Variants in SPDYE4 observed in about 807,000 individuals in gnomAD.
SPDYE4 encodes the protein speedy protein E4.
SPDYE4 carries 30 observed loss-of-function variants against 37.5 expected under a neutral mutation model. The observed-to-expected ratio is 0.80, with a 90% CI of 0.60 to 1.09. The LOEUF is 1.09. SPDYE4 is among the 50% of genes least tolerant of loss of function. SPDYE4 has a pLI of 0.00. For synonymous variants in SPDYE4, 131 were observed against 120.3 expected, an observed-to-expected ratio of 1.09 and a Z score of -0.58; for missense variants, 300 against 307.9, an observed-to-expected ratio of 0.97 and a Z score of 0.19.
At chr17:8,755,747 G>C in intron 3 of SPDYE4, 142 bp from the exon 4 acceptor site, 1 of 1,114,458 alleles carries the variant, frequency 9.0e-7, no homozygotes, top group Middle Eastern at 2.4e-4. Flanking sequence ...TGCTCATTGG[G>C]GGCTTGCGGG....
At chr17:8,756,642 G>C (rs2086775106) in intron 2 of SPDYE4, among the ~76,000 whole-genome samples, 1 of 152,206 alleles carries the variant, frequency 6.6e-6, no homozygotes, top group Admixed American at 6.5e-5. Flanking sequence ...GCCGAAGGAG[G>C]CCTCTGGTGT....
downstream of SPDYE4, among the ~76,000 whole-genome samples, chr17:8,749,167 C>T (rs1266188874): frequency 6.6e-6 from 1 of 151,248 alleles, no homozygotes; most frequent in Non-Finnish European, 1.5e-5. Flanking sequence ...GATCACGGCT[C>T]ATGCAGCCTC....
chr17:8,755,380 C>T, intron 4 of SPDYE4, 140 bp downstream of exon 4: 1 of 1,073,092 alleles, frequency 9.3e-7, no homozygotes, highest in South Asian at 1.6e-5. Context: ...CTAAGAACAC[C>T]ATAGTATAAT....
chr17:8,754,657 G>C (rs1255388655), intron 4 of SPDYE4, among the ~76,000 whole-genome samples: 1 of 152,338 alleles, frequency 6.6e-6, no homozygotes, highest in East Asian at 1.9e-4. Context: ...TTGGGGAAAA[G>C]GAGGGCAGAT....
rs1233408802 is a variant in SPDYE4 at position 8,758,412 on chromosome 17, A to G, written c.-30T>C. 1.3e-6 allele frequency: 2 copies of G among 1,537,606 alleles called. No individual in the cohort carries two copies. Among genetic ancestry groups the G allele is most frequent in the South Asian group, 1.2e-5 (1 of 83,792 alleles). Reference sequence around the variant, plus strand: ...TCTCCCAAACACTTTGTTTCTGTCCACAAAACCTAGTCCCTGTTCTGTCCA... The same window carrying G: ...TCTCCCAAACACTTTGTTTCTGTCCGCAAAACCTAGTCCCTGTTCTGTCCA... On this transcript the variant is annotated 5_prime_UTR_variant, in exon 1 of 7. Transcript: ENST00000689094.
chr17:8,749,097 A>ATTT (rs535722696), downstream of SPDYE4, among the ~76,000 whole-genome samples: 24,514 of 147,366 alleles, frequency 0.17, 2,325 homozygotes, highest in Middle Eastern at 0.3. Flanking sequence ...AATGTTTTGA[A>ATTT]TTTTTTTTTT....
rs753894197 is a variant in SPDYE4, at chr17:8,755,555, C to T, written c.450G>A (p.Ser150=). 42 of 1,612,044 alleles carry T rather than the reference C, an allele frequency of 2.6e-5. No homozygotes were observed. Among genetic ancestry groups the T allele is most frequent in the East Asian group, 4.5e-5 (2 of 44,888 alleles). ...AGAAATGAATGCGTTGGTATTGCCA[C>T]GAGAAGAGGCCGGCACGGCTAAAAT... ...IAYFSRAGLF[S]WQYQRIHFFL... is the part of the protein sequence containing the mutation. The change falls in exon 4 of 7, where the codon TCG becomes TCA. Residue 150 remains serine, a synonymous_variant. Coordinates refer to ENST00000689094, the MANE Select transcript of SPDYE4 (RefSeq NM_001394956.1).
At position 8,758,510 on chromosome 17, in the gene SPDYE4, G is replaced by T; in HGVS notation, c.-128C>A. 1 of 849,978 alleles carries T rather than the reference G, an allele frequency of 1.2e-6. No homozygotes were observed. The highest frequency in any genetic ancestry group is 1.9e-6 in the Non-Finnish European group (1 of 536,440). 52.7% of individuals were successfully genotyped at this position (849,978 alleles called of 1,614,324 possible). On this transcript the variant is annotated 5_prime_UTR_variant, in exon 1 of 7. Transcript: ENST00000689094. Reference sequence around the variant, plus strand: ...TCTAGAGGCTCGGGAGAAGTTAGGAGTGAAGAGTAGTTCTGAGAAGTTGCT... The same window carrying T: ...TCTAGAGGCTCGGGAGAAGTTAGGATTGAAGAGTAGTTCTGAGAAGTTGCT...
chr17:8,752,988 G>C (rs1161143695), intron 6 of SPDYE4, 106 bp downstream of exon 6: 1 of 985,280 alleles, frequency 1.0e-6, no homozygotes, highest in East Asian at 2.7e-5. Flanking sequence ...TGGAGACGGG[G>C]TGTCGCCATG....
chr17:8,754,183 G>T (rs1342650812), intron 4 of SPDYE4, among the ~76,000 whole-genome samples: 1 of 152,220 alleles, frequency 6.6e-6, no homozygotes, highest in African/African-American at 2.4e-5. Flanking sequence ...ATGAAGGAAA[G>T]AAGGAAAGAT....
At chr17:8,755,276 G>A (rs916878134) in intron 4 of SPDYE4, 4 of 403,342 alleles carry the variant, frequency 9.9e-6, no homozygotes, top group Admixed American at 4.2e-5. Context: ...TCGTGTCCAC[G>A]GCTTTCCTTT....
At position 8,758,356 on chromosome 17, in the gene SPDYE4, CG is replaced by C; in HGVS notation, c.26del (p.Pro9ArgfsTer32). MASGQARP[P>X]FEEESPQPST... is the part of the protein sequence containing the mutation. The stretch of plus-strand genomic sequence containing the variant: ...TAGGCTGGGGGCTCTCCTCCTCAAA[CG>C]GGGGGCGCGCTTGACCACTGGCCAT... On this transcript the variant is annotated frameshift_variant, in exon 1 of 7. Transcript: ENST00000689094. LOFTEE classifies it high-confidence loss of function. 6.4e-7 allele frequency: 1 copy of C among 1,551,446 alleles called. No homozygotes were observed. Among genetic ancestry groups the C allele is most frequent in the Non-Finnish European group, 8.7e-7 (1 of 1,146,888 alleles).
intron 6 of SPDYE4, 102 bp downstream of exon 6, chr17:8,752,992 C>T (rs749064566): frequency 3.4e-5 from 35 of 1,039,698 alleles, no homozygotes; most frequent in East Asian, 2.2e-4. Flanking sequence ...GACGGGGTGT[C>T]GCCATGTTGA....
In SPDYE4 at chr17:8,753,190, G is replaced by C. The variant is rs1279382720; in HGVS notation, c.662C>G (p.Ala221Gly). ...CCACACCCAGTGCTCTGGGTCATAA[G>C]CCTGGATCTGGAAAAACACACACCA... ...VSPEEMEEIQ[A>G]YDPEHWVWAR... The change falls in exon 6 of 7, where the codon GCT (alanine) becomes GGT (glycine). Residue 221 changes from alanine to glycine, a missense_variant. Transcript: ENST00000689094. The C allele has an allele frequency of 1.2e-6, 2 of 1,613,946 alleles. No individual in the cohort carries two copies. Among genetic ancestry groups the C allele is most frequent in the Non-Finnish European group, 1.7e-6 (2 of 1,180,018 alleles).
At chr17:8,754,742 G>A (rs1392297078) in intron 4 of SPDYE4, among the ~76,000 whole-genome samples, 1 of 152,190 alleles carries the variant, frequency 6.6e-6, no homozygotes, top group South Asian at 2.1e-4. Flanking sequence ...GGAAGATCAG[G>A]GGAGGCATTG....
intron 3 of SPDYE4, 50 bp downstream of exon 3, chr17:8,756,328 C>A (rs750264304): frequency 6.3e-6 from 10 of 1,576,656 alleles, no homozygotes; most frequent in Non-Finnish European, 8.7e-6. Flanking sequence ...GCACCCTTCC[C>A]CAGGACGTGT....
At chr17:8,753,616 G>C (rs1330654466) in intron 4 of SPDYE4, 127 bp from the exon 5 acceptor site, 1 of 1,153,680 alleles carries the variant, frequency 8.7e-7, no homozygotes, top group East Asian at 2.5e-5. Context: ...CCTGCAGAGA[G>C]CCCTGCCTTC....
downstream of SPDYE4, among the ~76,000 whole-genome samples, chr17:8,747,593 G>A (rs1424777436): frequency 2.0e-5 from 3 of 152,226 alleles, no homozygotes; most frequent in Non-Finnish European, 2.9e-5. Context: ...AATTCATTAT[G>A]TAGCAGGATA....
downstream of SPDYE4, among the ~76,000 whole-genome samples, chr17:8,748,712 C>A (rs772916112): frequency 2.0e-5 from 3 of 152,160 alleles, no homozygotes; most frequent in African/African-American, 4.8e-5. Context: ...ATGTTTCATG[C>A]GCATTTTAAA....
Sources: gnomAD v4.1 joint callset for allele counts (sites outside exome capture counted in the v4.1 genomes callset) on GRCh38, gnomAD v4.1.1 for gene constraint, MANE v1.5 for transcripts, NCBI Gene and HGNC (gene_info 2026-07-23, HGNC 2026-07-21) for gene names.